DSCAM: variants seen among roughly 807,000 people sequenced by gnomAD.
The protein encoded by DSCAM is cell adhesion molecule DSCAM.
In DSCAM, 47 loss-of-function variants were observed where a neutral mutation model predicts 217.7. That is an observed-to-expected ratio of 0.22 (90% confidence interval 0.17 to 0.28). DSCAM has a LOEUF of 0.28. Among genes scored for constraint, DSCAM ranks in the 10% least tolerant of loss-of-function variants. The pLI, the probability that DSCAM is intolerant of heterozygous loss-of-function variation, is 1.00. For synonymous variants in DSCAM, 1,056 were observed against 1,015.3 expected, an observed-to-expected ratio of 1.04 and a Z score of -0.76; for missense variants, 2,080 against 2,618.3, an observed-to-expected ratio of 0.79 and a Z score of 4.49.
At chr21:40,031,350 G>C (rs1339787381) in intron 32 of DSCAM, among the ~76,000 whole-genome samples, 1 of 152,154 alleles carries the variant, frequency 6.6e-6, no homozygotes, top group Admixed American at 6.5e-5. Flanking sequence ...AACGTTCACT[G>C]CATCTCAGAC....
At chr21:40,688,022 A>G (rs1228302008) in intron 3 of DSCAM, among the ~76,000 whole-genome samples, 1 of 152,178 alleles carries the variant, frequency 6.6e-6, no homozygotes. Flanking sequence ...TTTAGCCAAA[A>G]TACAGAAAGA....
At chr21:40,846,150 T>G (rs1313811371) in intron 1 of DSCAM, among the ~76,000 whole-genome samples, 4 of 152,130 alleles carry the variant, frequency 2.6e-5, no homozygotes, top group Non-Finnish European at 5.9e-5. Flanking sequence ...GGAGATACAT[T>G]GTACTAGCAT....
At chr21:40,825,758 C>A (rs757945747) in intron 1 of DSCAM, among the ~76,000 whole-genome samples, 108 of 151,602 alleles carry the variant, frequency 7.1e-4, no homozygotes, top group Non-Finnish European at 1.4e-3. Flanking sequence ...TTTATGGGTG[C>A]GTGAGAGTTG....
intron 3 of DSCAM, among the ~76,000 whole-genome samples, chr21:40,410,312 C>T (rs569928095): frequency 2.5e-4 from 38 of 151,772 alleles, no homozygotes; most frequent in East Asian, 7.8e-4. Flanking sequence ...AAATGAAATA[C>T]GGATAGAAAA....
In DSCAM at chr21:40,187,922, C is replaced by T. The variant is rs1461724553; in HGVS notation, c.2619G>A (p.Glu873=). Residue 873 remains glutamate, a synonymous_variant, in exon 13 of 33, where the codon GAG becomes GAA. Transcript: ENST00000400454. ...CTGTGAGCTGAATTATTCCACGGTCCTCCCCATAAGAATTAATAGCATGGC... is the reference window on the plus strand; with the variant it reads ...CTGTGAGCTGAATTATTCCACGGTCTTCCCCATAAGAATTAATAGCATGGC... The part of the protein sequence containing the change: ...FSCHAINSYG[E]DRGIIQLTVQ... 1.2e-6 allele frequency: 2 copies of T among 1,614,078 alleles called. No individual in the cohort carries two copies. The highest frequency in any genetic ancestry group is 1.7e-6 in the Non-Finnish European group (2 of 1,179,994).
intron 1 of DSCAM, among the ~76,000 whole-genome samples, chr21:40,790,428 G>A (rs895080752): frequency 3.3e-5 from 5 of 152,124 alleles, no homozygotes; most frequent in African/African-American, 1.2e-4. Flanking sequence ...CTCGTAGTTA[G>A]CTTTTTCTTA....
At chr21:40,363,473 G>A (rs1189953679) in intron 4 of DSCAM, among the ~76,000 whole-genome samples, 3 of 151,882 alleles carry the variant, frequency 2.0e-5, no homozygotes, top group African/African-American at 7.3e-5. Flanking sequence ...GGCTGGTCTT[G>A]AACTCCTGAC....
chr21:40,138,433 T>G (rs1389188650), intron 18 of DSCAM, among the ~76,000 whole-genome samples: 3 of 144,806 alleles, frequency 2.1e-5, no homozygotes, highest in East Asian at 2.1e-4. Context: ...GTGTGGGGTG[T>G]GCGTGGTGTG....
chr21:40,159,941 C>T (rs2090521703), intron 16 of DSCAM, among the ~76,000 whole-genome samples: 2 of 152,284 alleles, frequency 1.3e-5, no homozygotes, highest in African/African-American at 2.4e-5. Flanking sequence ...GGGAAAATTT[C>T]ACCACATTTA....
intron 11 of DSCAM, among the ~76,000 whole-genome samples, chr21:40,262,946 G>A (rs965430188): frequency 6.6e-6 from 1 of 152,196 alleles, no homozygotes; most frequent in African/African-American, 2.4e-5. Flanking sequence ...ATCTCACCAT[G>A]AGGCTGTTAA....
chr21:40,251,233 G>T (rs964512545), intron 11 of DSCAM, among the ~76,000 whole-genome samples: 2 of 152,132 alleles, frequency 1.3e-5, no homozygotes, highest in African/African-American at 4.8e-5. Context: ...CATAGCAGAA[G>T]AATACTGAGT....
rs142593863 is a variant in DSCAM, at chr21:40,303,388, C to T, written c.2063-7214G>A. ...ACTCGCTTCCTACAATTCCCTGGGA[C>T]GTACGCCTTCACTTCAGTCAAGTCT... On this transcript the variant is annotated intron_variant, in intron 9 of 32. Coordinates refer to ENST00000400454, the MANE Select transcript of DSCAM (RefSeq NM_001389.5). 3.7e-3 allele frequency among the ~76,000 whole-genome samples: 569 copies of T among 152,176 alleles called. 6 individuals carry two copies. Among genetic ancestry groups the T allele is most frequent in the African/African-American group, 0.013 (534 of 41,526 alleles).
chr21:40,083,361 G>A (rs1043474870), intron 24 of DSCAM, among the ~76,000 whole-genome samples: 1 of 152,180 alleles, frequency 6.6e-6, no homozygotes, highest in Non-Finnish European at 1.5e-5. Context: ...CTCGACAGGC[G>A]GAGGTTGCAG....
At chr21:40,628,608 T>A (rs767653713) in intron 3 of DSCAM, among the ~76,000 whole-genome samples, 4 of 152,222 alleles carry the variant, frequency 2.6e-5, no homozygotes, top group African/African-American at 4.8e-5. Flanking sequence ...AAATATCTAG[T>A]GTCTGTTACT....
chr21:40,058,172 G>A (rs976347736), intron 28 of DSCAM, among the ~76,000 whole-genome samples: 7 of 151,798 alleles, frequency 4.6e-5, no homozygotes, highest in Admixed American at 1.3e-4. Context: ...GCGCCTGGCC[G>A]GACTCACAGT....
intron 3 of DSCAM, among the ~76,000 whole-genome samples, chr21:40,387,989 CAT>C (rs929205325): frequency 2.0e-5 from 3 of 151,604 alleles, no homozygotes; most frequent in Non-Finnish European, 2.9e-5. Context: ...GAAAAAGAAA[CAT>C]ATGGAAGAAA....
intron 11 of DSCAM, chr21:40,212,510 C>A (rs891787907): frequency 1.3e-5 from 2 of 153,974 alleles, no homozygotes; most frequent in Non-Finnish European, 2.9e-5. Context: ...AGATGACACA[C>A]CCCTGTGCAT....
intron 3 of DSCAM, among the ~76,000 whole-genome samples, chr21:40,563,523 A>G (rs912948806): frequency 7.5e-6 from 1 of 133,924 alleles, no homozygotes; most frequent in Admixed American, 7.2e-5. Context: ...AACAAAATAT[A>G]TCTATTTGTT....
At chr21:40,523,946 C>T (rs1254612867) in intron 3 of DSCAM, among the ~76,000 whole-genome samples, 1 of 152,144 alleles carries the variant, frequency 6.6e-6, no homozygotes, top group African/African-American at 2.4e-5. Flanking sequence ...ACACGAGCCA[C>T]ACCCCCATCA....
Sources: allele counts gnomAD v4.1 joint callset (sites outside exome capture counted in the v4.1 genomes callset), GRCh38; gene constraint gnomAD v4.1.1; transcripts MANE v1.5; gene names NCBI Gene and HGNC (gene_info 2026-07-23, HGNC 2026-07-21).